The following MCMBP variants were observed in gnomAD, a reference collection of about 807,000 sequenced individuals.
MCMBP encodes mini-chromosome maintenance complex-binding protein.
In MCMBP, 31 loss-of-function variants were observed where a neutral mutation model predicts 81.3. That is an observed-to-expected ratio of 0.38 (90% CI 0.29 to 0.51). The LOEUF (loss-of-function observed/expected upper bound fraction) is 0.51. MCMBP is among the 20% of genes least tolerant of loss of function. The probability of loss-of-function intolerance (pLI) is 0.87; values close to 1 mark genes in which losing one functional copy is unlikely to be tolerated. For synonymous variants in MCMBP, 267 were observed against 275.9 expected (o/e 0.97, Z 0.32); for missense variants, 645 against 772.1 (o/e 0.84, Z 1.95).
At chr10:119,850,874 G>GTTTTTTTTTTTTTTTTT (rs1284100421) in intron 6 of MCMBP, among the ~76,000 whole-genome samples, 33 of 130,530 alleles carry the variant, frequency 2.5e-4, no homozygotes, top group Middle Eastern at 3.9e-3. Flanking sequence ...TACAAGATCT[G>GTTTTTTTTTTTTTTTTT]TTTTTTTTTT....
chr10:119,846,568 C>T lies in MCMBP; in HGVS notation c.827+1045G>A, dbSNP rs376450712. On this transcript the variant is annotated intron_variant, in intron 8 of 15. Coordinates refer to ENST00000369077, the MANE Select transcript of MCMBP (RefSeq NM_001256378.2). The stretch of plus-strand genomic sequence containing the variant: ...GAGAAATGTAACTTTACAGAAGAGA[C>T]ATCTGGAAGTCACCACCTTAACCAA... 4.7e-4 allele frequency among the ~76,000 whole-genome samples: 71 copies of T among 152,300 alleles called. No individual in the cohort carries two copies. In the East Asian group the frequency reaches 0.01, roughly 22 times the overall value.
intron 5 of MCMBP, among the ~76,000 whole-genome samples, chr10:119,856,156 AG>A (rs1853033131): frequency 6.6e-6 from 1 of 152,210 alleles, no homozygotes; most frequent in African/African-American, 2.4e-5. Context: ...CAGGAGATGG[AG>A]GTTGCAGTGA....
intron 1 of MCMBP, among the ~76,000 whole-genome samples, chr10:119,870,022 T>C (rs1853612991): frequency 6.6e-6 from 1 of 152,234 alleles, no homozygotes; most frequent in African/African-American, 2.4e-5. Flanking sequence ...TTTTAATTAA[T>C]TTACATTTAA....
Position 119,872,691 on chromosome 10 carries a change from G to T in MCMBP, c.-107C>A. ...CTCTTCAGCGGCTCGGCCGCTCCTC[G>T]CCCGCGTTCGCTCGCGCCCTCCCAC... On this transcript the variant is annotated 5_prime_UTR_variant, in exon 1 of 16. Coordinates refer to ENST00000369077, the MANE Select transcript of MCMBP (RefSeq NM_001256378.2). 2.2e-6 allele frequency: 1 copy of T among 459,072 alleles called. No individual in the cohort carries two copies. Among genetic ancestry groups the T allele is most frequent in the Non-Finnish European group, 3.1e-6 (1 of 326,624 alleles). 28.4% of individuals were successfully genotyped at this position (459,072 alleles called of 1,614,324 possible).
At chr10:119,872,318 G>C (rs543236209) in intron 1 of MCMBP, among the ~76,000 whole-genome samples, 1 of 152,142 alleles carries the variant, frequency 6.6e-6, no homozygotes, top group South Asian at 2.1e-4. Context: ...CGGGCAGGTG[G>C]GAGGTACCTG....
chr10:119,831,277 A>G lies in MCMBP; in HGVS notation c.*197T>C, dbSNP rs1268283503. The G allele has an allele frequency of 2.5e-6, 1 of 406,202 alleles. No homozygotes were observed. The highest frequency in any genetic ancestry group is 2.1e-5 in the African/African-American group (1 of 47,834). 25.2% of individuals were successfully genotyped at this position (406,202 alleles called of 1,614,324 possible). ...TATAATTATTATAAAACAAACTTCA[A>G]AAGCTCCATGAAATCAGTAAGGTAA... On this transcript the variant is annotated 3_prime_UTR_variant, in exon 16 of 16. Coordinates refer to ENST00000369077, the MANE Select transcript of MCMBP (RefSeq NM_001256378.2).
intron 8 of MCMBP, among the ~76,000 whole-genome samples, chr10:119,843,663 T>C (rs759990517): frequency 9.2e-5 from 14 of 152,066 alleles, no homozygotes; most frequent in African/African-American, 2.2e-4. Flanking sequence ...ACGGTATTTT[T>C]ATTTTTATTT....
chr10:119,867,692 A>G (rs975906382), intron 1 of MCMBP, among the ~76,000 whole-genome samples: 1 of 152,214 alleles, frequency 6.6e-6, no homozygotes, highest in Non-Finnish European at 1.5e-5. Flanking sequence ...GTGTGCAGAG[A>G]TTAATGTATC....
At chr10:119,854,188 C>A (rs986239328) in intron 5 of MCMBP, among the ~76,000 whole-genome samples, 5 of 151,660 alleles carry the variant, frequency 3.3e-5, no homozygotes, top group Non-Finnish European at 5.9e-5. Flanking sequence ...ACCACAGGTG[C>A]CCACCACCAA....
chr10:119,863,823 A>G (rs1281991628), intron 1 of MCMBP, among the ~76,000 whole-genome samples: 1 of 151,038 alleles, frequency 6.6e-6, no homozygotes, highest in Non-Finnish European at 1.5e-5. Context: ...GATAAGCCAG[A>G]CGTAAAAGGT....
chr10:119,843,339 C>G lies in MCMBP; in HGVS notation c.915G>C (p.Pro305=), dbSNP rs775513145. 3 of 1,613,870 alleles carry G rather than the reference C, an allele frequency of 1.9e-6. No homozygotes were observed. Among genetic ancestry groups the G allele is most frequent in the Admixed American group, 1.7e-5 (1 of 60,000 alleles). ...TCTGGGCTAAGATCACATGAATTCTCGGCACTAATGAAGCAGGAGGACTGT... is the reference window on the plus strand; with the variant it reads ...TCTGGGCTAAGATCACATGAATTCTGGGCACTAATGAAGCAGGAGGACTGT... ...RVHSPPASLV[P]RIHVILAQKL... is the part of the protein sequence containing the mutation. The change falls in exon 9 of 16, where the codon CCG becomes CCC. Residue 305 remains proline (P), a synonymous_variant. Coordinates refer to ENST00000369077, the MANE Select transcript of MCMBP (RefSeq NM_001256378.2).
At chr10:119,840,251 C>A (rs764580895) in intron 11 of MCMBP, among the ~76,000 whole-genome samples, 1 of 152,078 alleles carries the variant, frequency 6.6e-6, no homozygotes, top group East Asian at 1.9e-4. Flanking sequence ...AGGGCCTGGA[C>A]GAGTGTTAGC....
At chr10:119,872,389 G>C (rs1054569888) in intron 1 of MCMBP, 138 bp downstream of exon 1, 15 of 351,228 alleles carry the variant, frequency 4.3e-5, no homozygotes, top group Non-Finnish European at 5.5e-5. Flanking sequence ...GCTGGGGCCG[G>C]TGCAGGCCCC....
chr10:119,867,773 C>T (rs1014248725), intron 1 of MCMBP, among the ~76,000 whole-genome samples: 2 of 152,156 alleles, frequency 1.3e-5, no homozygotes, highest in African/African-American at 2.4e-5. Flanking sequence ...TCAGTCTCTT[C>T]GAATACCCAA....
chr10:119,872,603 C>G lies in MCMBP; in HGVS notation c.-19G>C. On this transcript the variant is annotated 5_prime_UTR_variant, in exon 1 of 16. Transcript: ENST00000369077. ...ACGGCATCTCGCCAGGGGCCGGGGC[C>G]GGCGAAGACCGGGCGGAGGCGATCC... 1 of 1,164,208 alleles carries G rather than the reference C, an allele frequency of 8.6e-7. No individual in the cohort carries two copies. The highest frequency in any genetic ancestry group is 1.1e-6 in the Non-Finnish European group (1 of 937,824). The allele number at this position is 1,164,208 out of a possible 1,614,324, so 72.1% of individuals were successfully genotyped here.
chr10:119,866,519 G>A (rs1828108269), intron 1 of MCMBP, among the ~76,000 whole-genome samples: 1 of 152,136 alleles, frequency 6.6e-6, no homozygotes, highest in South Asian at 2.1e-4. Flanking sequence ...CCAGCTACTT[G>A]GGAGGCTGAG....
At position 119,859,816 on chromosome 10, in the gene MCMBP, T is replaced by C. The variant is rs1358314442; in HGVS notation, c.127A>G (p.Asn43Asp). 1 of 1,613,216 alleles carries C rather than the reference T, an allele frequency of 6.2e-7. No homozygotes were observed. The highest frequency in any genetic ancestry group is 8.5e-7 in the Non-Finnish European group (1 of 1,179,452). The change falls in exon 2 of 16, where the codon AAT (asparagine) becomes GAT (aspartate). Residue 43 changes from asparagine (N) to aspartate (D), a missense_variant. Physicochemically the swap from Asn to Asp is conservative, Grantham distance 23. Coordinates refer to ENST00000369077, the MANE Select transcript of MCMBP (RefSeq NM_001256378.2). ...AAGCTTACCCACTTAGGAGCATTAT[T>C]TTCCTTCAGCTTTTCCTTAAAATAC... ...IEYFKEKLKE[N>D]NAPKWVPSLN...
intron 12 of MCMBP, among the ~76,000 whole-genome samples, chr10:119,837,450 T>A (rs1237556618): frequency 6.6e-6 from 1 of 152,192 alleles, no homozygotes; most frequent in Non-Finnish European, 1.5e-5. Flanking sequence ...TACCTTTACC[T>A]CTTGAGCTGA....
intron 6 of MCMBP, among the ~76,000 whole-genome samples, chr10:119,850,825 T>G (rs1288647518): frequency 6.7e-6 from 1 of 148,748 alleles, no homozygotes; most frequent in Non-Finnish European, 1.5e-5. Flanking sequence ...TATAATTACG[T>G]AAGGTATTAC....
Sources: gnomAD v4.1 joint callset for allele counts (sites outside exome capture counted in the v4.1 genomes callset) on GRCh38, gnomAD v4.1.1 for gene constraint, MANE v1.5 for transcripts, NCBI Gene and HGNC (gene_info 2026-07-23, HGNC 2026-07-21) for gene names.